CTNND2: variants seen among roughly 807,000 people sequenced by gnomAD.
CTNND2 encodes the protein catenin delta 2.
CTNND2 carries 22 observed loss-of-function variants against 144.4 expected under a neutral mutation model. That is an observed-to-expected ratio of 0.15 (90% confidence interval 0.11 to 0.22). CTNND2 has a LOEUF of 0.22. Ranked by LOEUF, CTNND2 falls within the 10% of genes least tolerant of loss-of-function variation. CTNND2 has a pLI of 1.00. For synonymous variants in CTNND2, 751 were observed against 695.6 expected (o/e 1.08, Z -1.25); for missense variants, 1,353 against 1,618.8 (o/e 0.84, Z 2.82).
At position 11,831,243 on chromosome 5, in the gene CTNND2, A is replaced by G. The variant is rs562123160; in HGVS notation, c.37+72574T>C. Among the ~76,000 whole-genome samples the G allele has an allele frequency of 7.0e-5, 7 of 99,302 alleles. No individual in the cohort carries two copies. The South Asian group carries it at 7.9e-4, about 11-fold the overall frequency. The allele number at this position is 99,302 out of a possible 152,430, so 65.1% of individuals were successfully genotyped here. A position where few individuals can be genotyped will look rare whatever the true frequency, so the allele number is the denominator to read the frequency against. On this transcript the variant is annotated intron_variant, in intron 1 of 21. Transcript: ENST00000304623. ...GAGGGACCTAGAATAGTATTAACAGAAAAAAAAAAAAAAGCTTGAAAAAGA... is the reference window on the plus strand; with the variant it reads ...GAGGGACCTAGAATAGTATTAACAGGAAAAAAAAAAAAAGCTTGAAAAAGA...
At chr5:11,665,587 T>C (rs1269092289) in intron 2 of CTNND2, among the ~76,000 whole-genome samples, 5 of 152,232 alleles carry the variant, frequency 3.3e-5, no homozygotes, top group African/African-American at 1.2e-4. Flanking sequence ...ATACGGAATA[T>C]CATCTTCAAG....
At chr5:11,805,178 G>A (rs1040804009) in intron 1 of CTNND2, among the ~76,000 whole-genome samples, 3 of 152,084 alleles carry the variant, frequency 2.0e-5, no homozygotes, top group African/African-American at 4.8e-5. Context: ...GCAACAGGAG[G>A]AGAACAGAAT....
intron 2 of CTNND2, among the ~76,000 whole-genome samples, chr5:11,704,394 G>C (rs73059777): frequency 0.042 from 6,448 of 152,248 alleles, 421 homozygotes; most frequent in African/African-American, 0.14. Flanking sequence ...ATGACAGAGA[G>C]TAGCAGATGG....
At chr5:11,046,314 G>C (rs1168418117) in intron 16 of CTNND2, among the ~76,000 whole-genome samples, 1 of 152,172 alleles carries the variant, frequency 6.6e-6, no homozygotes, top group Non-Finnish European at 1.5e-5. Context: ...CAGAGATTGA[G>C]GCGATGCTTC....
chr5:11,592,289 T>A (rs993378028), intron 2 of CTNND2, among the ~76,000 whole-genome samples: 1 of 151,820 alleles, frequency 6.6e-6, no homozygotes, highest in Non-Finnish European at 1.5e-5. Context: ...CCTTCCTTTC[T>A]GCCTTCCTTC....
chr5:11,283,010 T>C (rs888963245), intron 9 of CTNND2, among the ~76,000 whole-genome samples: 4 of 152,218 alleles, frequency 2.6e-5, no homozygotes, highest in Non-Finnish European at 5.9e-5. Context: ...TTCAGCTGAC[T>C]CAAGCTCAGC....
chr5:11,101,723 C>T (rs2149671059), intron 14 of CTNND2, among the ~76,000 whole-genome samples: 1 of 152,224 alleles, frequency 6.6e-6, no homozygotes, highest in South Asian at 2.1e-4. Context: ...TCTTTAAGAG[C>T]TTGAAATATG....
chr5:11,564,026 T>C (rs777910810), intron 3 of CTNND2, among the ~76,000 whole-genome samples: 1 of 152,118 alleles, frequency 6.6e-6, no homozygotes, highest in Non-Finnish European at 1.5e-5. Context: ...GTGATGCAAT[T>C]GATGATGCAA....
intron 10 of CTNND2, among the ~76,000 whole-genome samples, chr5:11,213,526 A>G (rs61751765): frequency 0.041 from 6,228 of 152,212 alleles, 338 homozygotes; most frequent in African/African-American, 0.12. Flanking sequence ...TTCACTCTTC[A>G]TTTTGTCCTT....
chr5:11,630,271 T>A (rs961841461), intron 2 of CTNND2, among the ~76,000 whole-genome samples: 2 of 152,140 alleles, frequency 1.3e-5, no homozygotes, highest in Non-Finnish European at 2.9e-5. Flanking sequence ...GCTACACACA[T>A]CTCCTTGTGA....
rs530242919 is a variant in CTNND2, at chr5:11,177,558, T to C, written c.1976-17799A>G. Among the ~76,000 whole-genome samples, 18 of 152,174 alleles carry C rather than the reference T, an allele frequency of 1.2e-4. No homozygotes were observed. The East Asian group carries it at 3.5e-3, about 29-fold the overall frequency. On this transcript the variant is annotated intron_variant, in intron 11 of 21. Transcript: ENST00000304623. ...ATATATGTATAAAATATATGTATTA[T>C]AAGTTATTAAGAGAAGCTTTTACCT...
At chr5:10,981,892 A>G (rs1346108158) in intron 20 of CTNND2, 46 bp from the exon 21 acceptor site, 2 of 1,503,956 alleles carry the variant, frequency 1.3e-6, no homozygotes, top group Non-Finnish European at 1.8e-6. Flanking sequence ...AAACAACATT[A>G]CAAATAAGGA....
chr5:11,473,721 CA>C (rs909471807), intron 3 of CTNND2, among the ~76,000 whole-genome samples: 1 of 152,154 alleles, frequency 6.6e-6, no homozygotes, highest in African/African-American at 2.4e-5. Context: ...GCAAACAGAC[CA>C]ATGGGTGAGC....
intron 21 of CTNND2, among the ~76,000 whole-genome samples, chr5:10,980,423 T>A (rs1372140958): frequency 6.6e-6 from 1 of 152,136 alleles, no homozygotes; most frequent in Non-Finnish European, 1.5e-5. Flanking sequence ...TGTGGAGAAA[T>A]AGGAACGCTT....
chr5:11,842,721 AAC>A (rs1438274392), intron 1 of CTNND2, among the ~76,000 whole-genome samples: 6 of 122,348 alleles, frequency 4.9e-5, no homozygotes, highest in African/African-American at 2.4e-4. Context: ...TCGGTCTCAG[AAC>A]AAAAAAAAAA....
chr5:11,898,703 C>CA (rs764543349), intron 1 of CTNND2, among the ~76,000 whole-genome samples: 114 of 152,114 alleles, frequency 7.5e-4, no homozygotes, highest in Non-Finnish European at 1.3e-3. Context: ...TCCAAAAAAA[C>CA]AAAAAAACCC....
At chr5:11,260,817 T>C (rs940186451) in intron 9 of CTNND2, among the ~76,000 whole-genome samples, 14 of 152,198 alleles carry the variant, frequency 9.2e-5, no homozygotes, top group South Asian at 2.1e-4. Context: ...AGGACAACCA[T>C]CTTATTGGCA....
intron 2 of CTNND2, among the ~76,000 whole-genome samples, chr5:11,580,109 T>TAAA (rs1778307179): frequency 6.7e-6 from 1 of 148,666 alleles, no homozygotes; most frequent in Non-Finnish European, 1.5e-5. Flanking sequence ...CATGTTTTAA[T>TAAA]AAACTTAGGC....
intron 2 of CTNND2, among the ~76,000 whole-genome samples, chr5:11,656,433 T>C (rs948382378): frequency 6.6e-6 from 1 of 151,074 alleles, no homozygotes; most frequent in African/African-American, 2.4e-5. Context: ...AAAAAAAATA[T>C]ACTAATGTGA....
Sources: gnomAD v4.1 joint callset for allele counts (sites outside exome capture counted in the v4.1 genomes callset) on GRCh38, gnomAD v4.1.1 for gene constraint, MANE v1.5 for transcripts, NCBI Gene and HGNC (gene_info 2026-07-23, HGNC 2026-07-21) for gene names.